ZDHHC20: variants seen among roughly 807,000 people sequenced by gnomAD.
ZDHHC20 encodes zDHHC palmitoyltransferase 20.
In ZDHHC20, 43 loss-of-function variants were observed where a neutral mutation model predicts 57.8. The observed-to-expected ratio is 0.74, with a 90% confidence interval of 0.58 to 0.96. The LOEUF is 0.96. Among genes scored for constraint, ZDHHC20 ranks in the 40% least tolerant of loss-of-function variants. The pLI is 0.00. For missense variants in ZDHHC20, 391 were observed against 441.1 expected, an observed-to-expected ratio of 0.89 and a Z score of 1.02; for synonymous variants, 157 against 153.0, an observed-to-expected ratio of 1.03 and a Z score of -0.19.
At chr13:21,448,304 G>T (rs1178500428) in intron 1 of ZDHHC20, among the ~76,000 whole-genome samples, 3 of 87,536 alleles carry the variant, frequency 3.4e-5, no homozygotes, top group African/African-American at 3.8e-5. Flanking sequence ...CAGCCGCCCC[G>T]TCCGGGAGGG....
At chr13:21,444,789 C>T (rs1467451659) in intron 1 of ZDHHC20, among the ~76,000 whole-genome samples, 1 of 152,096 alleles carries the variant, frequency 6.6e-6, no homozygotes, top group Non-Finnish European at 1.5e-5. Flanking sequence ...GGCACAGTGG[C>T]TGATGTCTTC....
intron 2 of ZDHHC20, among the ~76,000 whole-genome samples, chr13:21,424,558 A>C (rs1478331809): frequency 6.6e-6 from 1 of 152,114 alleles, no homozygotes; most frequent in African/African-American, 2.4e-5. Flanking sequence ...AAAAATACAA[A>C]AAATTAGCCA....
intron 3 of ZDHHC20, 25 bp downstream of exon 3, chr13:21,421,036 G>GATTTACA (rs780108865): frequency 1.3e-6 from 2 of 1,571,768 alleles, no homozygotes; most frequent in Non-Finnish European, 1.7e-6. Context: ...TAAAACATTT[G>GATTTACA]GTAATTTACC....
intron 12 of ZDHHC20, 88 bp downstream of exon 12, chr13:21,378,573 T>C: frequency 1.3e-6 from 1 of 745,878 alleles, no homozygotes; most frequent in African/African-American, 1.8e-5. Flanking sequence ...TTAAAAAGAC[T>C]AAAAAAATAC....
intron 4 of ZDHHC20, among the ~76,000 whole-genome samples, chr13:21,406,009 A>T (rs995862370): frequency 1.3e-5 from 2 of 152,244 alleles, no homozygotes; most frequent in Non-Finnish European, 2.9e-5. Flanking sequence ...AAAATGGAAC[A>T]AAACCACTAA....
intron 1 of ZDHHC20, among the ~76,000 whole-genome samples, chr13:21,456,907 C>T (rs1305186506): frequency 1.3e-5 from 2 of 152,200 alleles, no homozygotes; most frequent in Admixed American, 6.5e-5. Context: ...CATTGACCCT[C>T]ATAGCTTACT....
At chr13:21,426,372 A>AT (rs2137930380) in intron 1 of ZDHHC20, among the ~76,000 whole-genome samples, 1 of 152,236 alleles carries the variant, frequency 6.6e-6, no homozygotes, top group African/African-American at 2.4e-5. Flanking sequence ...TCTTTATAAT[A>AT]TGTCACCTAT....
chr13:21,415,354 C>T (rs10870826), intron 3 of ZDHHC20, among the ~76,000 whole-genome samples: 45,126 of 152,042 alleles, frequency 0.3, 6,910 homozygotes, highest in South Asian at 0.34. Context: ...AAACACCATA[C>T]TTTAGGAAAT....
chr13:21,418,806 TG>T (rs1484453124), intron 3 of ZDHHC20, among the ~76,000 whole-genome samples: 4 of 152,166 alleles, frequency 2.6e-5, no homozygotes, highest in Non-Finnish European at 4.4e-5. Flanking sequence ...CCCGAGTAGC[TG>T]GGACTACAGG....
At chr13:21,387,394 A>C (rs1427597846) in intron 9 of ZDHHC20, 114 bp downstream of exon 9, 2 of 836,874 alleles carry the variant, frequency 2.4e-6, no homozygotes, top group Non-Finnish European at 3.2e-6. Context: ...TTTCATTCTC[A>C]AAGTCTGTGA....
At chr13:21,451,351 T>A (rs1884426162) in intron 1 of ZDHHC20, among the ~76,000 whole-genome samples, 1 of 152,180 alleles carries the variant, frequency 6.6e-6, no homozygotes, top group Non-Finnish European at 1.5e-5. Context: ...AGAGTATGAT[T>A]CAATTCAATT....
chr13:21,401,682 A>G lies in ZDHHC20; in HGVS notation c.444T>C (p.Cys148=). ...RAHHCSACDS[C]ILKMDHHCPW... is the part of the protein sequence containing the mutation. ...GACAGTGATGATCCATCTTAAGAAT[A>G]CATCTAGGAAACAAACAAGCATAAG... Residue 148 remains cysteine, a synonymous_variant, in exon 6 of 13, where the codon TGT becomes TGC. Transcript: ENST00000400590. The G allele has an allele frequency of 6.6e-7, 1 of 1,518,488 alleles. No individual in the cohort carries two copies. The highest frequency in any genetic ancestry group is 1.4e-5 in the African/African-American group (1 of 71,492). The allele number at this position is 1,518,488 out of a possible 1,614,324, so 94.1% of individuals were successfully genotyped here.
At chr13:21,454,863 TA>T (rs1370871508) in intron 1 of ZDHHC20, among the ~76,000 whole-genome samples, 8 of 152,138 alleles carry the variant, frequency 5.3e-5, no homozygotes, top group African/African-American at 1.9e-4. Context: ...GAAAAAAATA[TA>T]AAAGGTATAC....
In ZDHHC20 at chr13:21,438,805, G is replaced by A. The variant is rs553934630; in HGVS notation, c.119-13127C>T. On this transcript the variant is annotated intron_variant, in intron 1 of 12. Transcript: ENST00000400590. ...AGAGTCAACAGATGCGGCAAACTTC[G>A]TTCTTGTCGTTTTGAGAAATTGCCA... Among the ~76,000 whole-genome samples the A allele has an allele frequency of 5.3e-5, 8 of 152,240 alleles. No individual in the cohort carries two copies. In the East Asian group the frequency reaches 7.7e-4, roughly 15 times the overall value.
At chr13:21,452,256 T>C (rs1566120156) in intron 1 of ZDHHC20, among the ~76,000 whole-genome samples, 1 of 152,152 alleles carries the variant, frequency 6.6e-6, no homozygotes, top group East Asian at 1.9e-4. Flanking sequence ...GACAGAAATT[T>C]TCAAAAAACG....
Position 21,439,272 on chromosome 13 carries a change from A to G in ZDHHC20, c.119-13594T>C, listed in dbSNP as rs117793052. 8.6e-3 allele frequency among the ~76,000 whole-genome samples: 1,305 copies of G among 152,200 alleles called. 12 individuals are homozygous for G. Among genetic ancestry groups the G allele is most frequent in the Non-Finnish European group, 0.015 (1,025 of 67,984 alleles). On this transcript the variant is annotated intron_variant, in intron 1 of 12. Transcript: ENST00000400590. ...CCCAACACGTAAGGAGGCTGAGGCA[A>G]GAGGATCGCTTGAGCCCAGGAACTT...
intron 1 of ZDHHC20, among the ~76,000 whole-genome samples, chr13:21,448,244 G>T (rs1158005380): frequency 8.2e-5 from 6 of 72,882 alleles, no homozygotes; most frequent in Admixed American, 1.2e-4. Context: ...GGTGAGGGGC[G>T]CCTCTGCCCG....
intron 4 of ZDHHC20, among the ~76,000 whole-genome samples, chr13:21,406,482 C>G (rs1205140249): frequency 1.3e-5 from 2 of 152,172 alleles, no homozygotes; most frequent in African/African-American, 4.8e-5. Context: ...TTTGCTGCAC[C>G]TATCAATCTG....
chr13:21,393,269 G>C (rs757463367), intron 7 of ZDHHC20, among the ~76,000 whole-genome samples: 1 of 151,854 alleles, frequency 6.6e-6, no homozygotes, highest in Non-Finnish European at 1.5e-5. Flanking sequence ...TTGGGAGGCG[G>C]AGACAGGCGG....
Sources: gnomAD v4.1 joint callset for allele counts (sites outside exome capture counted in the v4.1 genomes callset) on GRCh38, gnomAD v4.1.1 for gene constraint, MANE v1.5 for transcripts, NCBI Gene and HGNC (gene_info 2026-07-23, HGNC 2026-07-21) for gene names.